Variants in ZNF433 observed in about 807,000 individuals in gnomAD.
ZNF433 encodes zinc finger protein 433.
ZNF433 carries 12 observed loss-of-function variants against 10.6 expected under a neutral mutation model. The observed-to-expected ratio is 1.13, with a 90% CI of 0.72 to 1.83. The LOEUF is 1.83. Among genes scored for constraint, ZNF433 ranks in the 40% most tolerant of loss-of-function variants. The pLI is 0.00. For synonymous variants in ZNF433, 272 were observed against 271.3 expected (o/e 1.00, Z -0.02); for missense variants, 737 against 798.0 (o/e 0.92, Z 0.92).
chr19:12,018,040 A>G, intron 2 of ZNF433, 104 bp from the exon 3 acceptor site: 2 of 1,321,978 alleles, frequency 1.5e-6, no homozygotes, highest in Non-Finnish European at 2.1e-6. Context: ...TCCTTTATTT[A>G]TCAAATATTC....
Position 12,015,760 on chromosome 19 carries a change from C to A in ZNF433, c.1098G>T (p.Lys366Asn), listed in dbSNP as rs1263493193. The A allele has an allele frequency of 1.9e-6, 3 of 1,613,380 alleles. No homozygotes were observed. The Admixed American group carries it at 5.0e-5, about 27-fold the overall frequency. ...MHTGEISHKC[K>N]ICGKAFYSPS... ...GAGAATAAAAGGCTTTCCCACATAT[C>A]TTACATTTATGAGATATCTCTCCAG... The change falls in exon 4 of 4, where the codon AAG becomes AAT. Residue 366 changes from lysine (K) to asparagine (N), a missense_variant. By Grantham distance (94) the Lys-to-Asn change is moderately conservative (BLOSUM62 0). Coordinates refer to ENST00000550507, the MANE Select transcript of ZNF433 (RefSeq NM_001308348.2).
chr19:12,024,534 T>C (rs1324546202), intron 1 of ZNF433: 1 of 152,236 alleles, frequency 6.6e-6, no homozygotes, highest in Non-Finnish European at 1.5e-5. Context: ...GCTCTAGGCA[T>C]TCCTACCTAT....
chr19:12,018,259 A>T lies in ZNF433; in HGVS notation c.37T>A (p.Phe13Ile). 1 of 1,613,656 alleles carries T rather than the reference A, an allele frequency of 6.2e-7. No individual in the cohort carries two copies. The change falls in exon 2 of 4, where the codon TTC becomes ATC. Residue 13 changes from phenylalanine to isoleucine, a missense_variant. Coordinates refer to ENST00000550507, the MANE Select transcript of ZNF433 (RefSeq NM_001308348.2). ...SVAFEDVAVT[F>I]TQEEWALLDP... is the part of the protein sequence containing the mutation. ...AGCAAAGCCCACTCCTCTTGGGTGA[A>T]GGTCACAGCCACATCCTCAAAGGCC...
intron 3 of ZNF433, 141 bp from the exon 4 acceptor site, chr19:12,016,807 G>A (rs1212917001): frequency 1.3e-5 from 16 of 1,214,404 alleles, no homozygotes; most frequent in East Asian, 1.0e-4. Flanking sequence ...GTAGTGGTGC[G>A]ATCTTCGCTT....
chr19:12,024,592 T>C (rs1974650556), intron 1 of ZNF433: 1 of 152,238 alleles, frequency 6.6e-6, no homozygotes, highest in African/African-American at 2.4e-5. Context: ...CTAGTCTCAC[T>C]AGGCAATTAA....
intron 1 of ZNF433, among the ~76,000 whole-genome samples, chr19:12,031,370 C>T (rs1568342072): frequency 1.3e-5 from 2 of 150,996 alleles, no homozygotes; most frequent in East Asian, 3.9e-4. Flanking sequence ...GATATCAAGC[C>T]AGGCACAGTG....
chr19:12,016,538 C>A lies in ZNF433; in HGVS notation c.320G>T (p.Gly107Val), dbSNP rs1974211007. Reference sequence around the variant, plus strand: ...AGATGAATGAGCACTGCCTACTTCTCCATACACACTGCTTTCGCATGATTT... The same window carrying A: ...AGATGAATGAGCACTGCCTACTTCTACATACACACTGCTTTCGCATGATTT... Reference protein sequence around the residue: ...GVKSCESSVYGEVGSAHSSLN... With the variant: ...GVKSCESSVYVEVGSAHSSLN... Residue 107 changes from glycine to valine, a missense_variant, in exon 4 of 4, where the codon GGA (glycine) becomes GTA (valine). Coordinates refer to ENST00000550507, the MANE Select transcript of ZNF433 (RefSeq NM_001308348.2). The A allele has an allele frequency of 1.2e-6, 2 of 1,614,170 alleles. No individual in the cohort carries two copies. Among genetic ancestry groups the A allele is most frequent in the Non-Finnish European group, 8.5e-7 (1 of 1,180,036 alleles).
intron 1 of ZNF433, among the ~76,000 whole-genome samples, chr19:12,032,415 A>C (rs1159270420): frequency 6.6e-6 from 1 of 152,154 alleles, no homozygotes; most frequent in African/African-American, 2.4e-5. Flanking sequence ...GATACACCTG[A>C]GAAATGTACT....
chr19:12,021,771 T>C (rs1280022686), intron 1 of ZNF433, among the ~76,000 whole-genome samples: 2 of 152,178 alleles, frequency 1.3e-5, no homozygotes, highest in Non-Finnish European at 2.9e-5. Context: ...GCTCTCTCCC[T>C]GTGGGGAGAC....
At chr19:12,029,668 C>T (rs1974912118) in intron 1 of ZNF433, among the ~76,000 whole-genome samples, 1 of 151,642 alleles carries the variant, frequency 6.6e-6, no homozygotes, top group African/African-American at 2.4e-5. Context: ...AAGATGGCAT[C>T]TCTGAGAAGT....
At chr19:12,030,663 T>A (rs1242218865) in intron 1 of ZNF433, among the ~76,000 whole-genome samples, 1 of 152,024 alleles carries the variant, frequency 6.6e-6, no homozygotes, top group Non-Finnish European at 1.5e-5. Flanking sequence ...AACAGAGAGA[T>A]GGAAATATAG....
chr19:12,015,864 TC>T lies in ZNF433; in HGVS notation c.993del (p.Lys333AsnfsTer335). On this transcript the variant is annotated frameshift_variant, in exon 4 of 4. Coordinates refer to ENST00000550507, the MANE Select transcript of ZNF433 (RefSeq NM_001308348.2). LOFTEE classifies it low-confidence loss of function (END_TRUNC). ...CAATGTTTACATTCATAGGGTTTTT[TC>T]CTAGAGTGGGTTCTTTCATGTCTGC... The part of the protein sequence containing the change: ...SVRRHERTHS[R>X]KKPYECKHCG... 1 of 1,613,900 alleles carries T rather than the reference TC, an allele frequency of 6.2e-7. No individual in the cohort carries two copies. Among genetic ancestry groups the T allele is most frequent in the East Asian group, 2.2e-5 (1 of 44,856 alleles).
chr19:12,015,533 G>A lies in ZNF433; in HGVS notation c.1325C>T (p.Thr442Met), dbSNP rs202067147. The change falls in exon 4 of 4, where the codon ACG becomes ATG. Residue 442 changes from threonine (T) to methionine (M), a missense_variant. Physicochemically the swap from Thr to Met is moderately conservative, Grantham distance 81. Transcript: ENST00000550507. ...SLLQTHGRTH[T>M]GEKPYACKEC... is the part of the protein sequence containing the mutation. ...CTTACATGCATAGGGTTTCTCTCCC[G>A]TGTGAGTCCTACCATGTGTTTGAAG... 1.1e-3 allele frequency: 1,719 copies of A among 1,613,742 alleles called. 11 individuals carry two copies. The highest frequency in any genetic ancestry group is 5.7e-3 in the South Asian group (522 of 91,058).
chr19:12,019,617 C>G (rs1974388185), intron 1 of ZNF433, among the ~76,000 whole-genome samples: 1 of 152,126 alleles, frequency 6.6e-6, no homozygotes. Flanking sequence ...AAAACTGAAC[C>G]TTGAAGACAT....
intron 1 of ZNF433, among the ~76,000 whole-genome samples, chr19:12,021,689 T>C (rs1199290549): frequency 6.6e-6 from 1 of 152,140 alleles, no homozygotes; most frequent in Non-Finnish European, 1.5e-5. Context: ...CAATACAATC[T>C]CTCTTTATAA....
At position 12,032,818 on chromosome 19, in the gene ZNF433, G is replaced by A. The variant is rs1975097550; in HGVS notation, c.3+2719C>T. Among the ~76,000 whole-genome samples, 3 of 152,238 alleles carry A rather than the reference G, an allele frequency of 2.0e-5. No individual in the cohort carries two copies. In the South Asian group the frequency reaches 6.2e-4, roughly 32 times the overall value. Reference sequence around the variant, plus strand: ...AAATCTACCTCTTTCTGGCCTGTGTGTAAAATTTTCTTATTTTGCAAGGTC... The same window carrying A: ...AAATCTACCTCTTTCTGGCCTGTGTATAAAATTTTCTTATTTTGCAAGGTC... On this transcript the variant is annotated intron_variant, in intron 1 of 3. Coordinates refer to ENST00000550507, the MANE Select transcript of ZNF433 (RefSeq NM_001308348.2).
At position 12,022,667 on chromosome 19, in the gene ZNF433, G is replaced by A. The variant is rs563305260; in HGVS notation, c.4-4375C>T. On this transcript the variant is annotated intron_variant, in intron 1 of 3. Coordinates refer to ENST00000550507, the MANE Select transcript of ZNF433 (RefSeq NM_001308348.2). ...AAGCATCAGGGTAACAAAGGGACAA[G>A]TGTGGGCTCTGGTTCCTTCCATCTT... Among the ~76,000 whole-genome samples the A allele has an allele frequency of 8.3e-4, 126 of 152,328 alleles. 1 individual carries two copies. The highest frequency in any genetic ancestry group is 1.4e-3 in the Non-Finnish European group (98 of 68,014).
chr19:12,021,724 T>A (rs776600008), intron 1 of ZNF433, among the ~76,000 whole-genome samples: 1 of 152,204 alleles, frequency 6.6e-6, no homozygotes, highest in Non-Finnish European at 1.5e-5. Flanking sequence ...GACTGGAGAC[T>A]CTGCTTCAGA....
intron 1 of ZNF433, among the ~76,000 whole-genome samples, chr19:12,020,857 T>A (rs945147248): frequency 3.3e-5 from 5 of 150,894 alleles, no homozygotes; most frequent in African/African-American, 1.2e-4. Flanking sequence ...TGAGCCGACA[T>A]TGCGCCATTG....
Sources: allele counts gnomAD v4.1 joint callset (sites outside exome capture counted in the v4.1 genomes callset), GRCh38; gene constraint gnomAD v4.1.1; transcripts MANE v1.5; gene names NCBI Gene and HGNC (gene_info 2026-07-23, HGNC 2026-07-21).